HDHD2: variants seen among roughly 807,000 people sequenced by gnomAD.
HDHD2 encodes haloacid dehalogenase like hydrolase domain containing 2.
Under a neutral mutation model 24.8 loss-of-function variants are expected in HDHD2, and 26 were observed. The observed-to-expected ratio is 1.05, with a 90% CI of 0.77 to 1.45. The LOEUF is 1.45. Ranked by LOEUF, HDHD2 falls within the 40% of genes most tolerant of loss-of-function variation. The pLI is 0.00. For synonymous variants in HDHD2, 128 were observed against 114.9 expected (o/e 1.11, Z -0.73); for missense variants, 299 against 313.4 (o/e 0.95, Z 0.35).
Position 47,134,835 on chromosome 18 carries a change from T to C in HDHD2, c.102-131A>G, listed in dbSNP as rs2063748676. 4 of 677,714 alleles carry C rather than the reference T, an allele frequency of 5.9e-6. 1 individual carries two copies. In the South Asian group the frequency reaches 7.5e-5, roughly 13 times the overall value. 42.0% of individuals were successfully genotyped at this position (677,714 alleles called of 1,614,324 possible). On this transcript the variant is annotated intron_variant, in intron 2 of 6. Coordinates refer to ENST00000300605, the MANE Select transcript of HDHD2 (RefSeq NM_032124.5). ...ATGACAATGTGTAGCCTCTTGCCCC[T>C]CCAGAATGGCAGGTTTACAGTTTAC...
rs1286940343 is a variant in HDHD2 at position 47,139,502 on chromosome 18, G to A, written c.-10-3053C>T. Among the ~76,000 whole-genome samples the A allele has an allele frequency of 6.3e-5, 9 of 143,822 alleles. No homozygotes were observed. The East Asian group carries it at 1.7e-3, about 27-fold the overall frequency. 94.4% of individuals were successfully genotyped at this position (143,822 alleles called of 152,430 possible). ...AAAAAAAAAAAAAAAATCCTTTGTA[G>A]TACATTGATAAATGTAAGTAAGTGT... On this transcript the variant is annotated intron_variant, in intron 1 of 6. Transcript: ENST00000300605.
chr18:47,108,908 C>T (rs890637276), intron 6 of HDHD2, 123 bp from the exon 7 acceptor site: 2 of 614,732 alleles, frequency 3.3e-6, no homozygotes, highest in Admixed American at 6.4e-5. Flanking sequence ...AGGGGCTGCA[C>T]ATCTCCCAAA....
chr18:47,133,947 G>A (rs1233202639), intron 3 of HDHD2, among the ~76,000 whole-genome samples: 1 of 152,186 alleles, frequency 6.6e-6, no homozygotes, highest in Non-Finnish European at 1.5e-5. Flanking sequence ...TCTGATGGTA[G>A]TTTCTTTTGC....
intron 4 of HDHD2, among the ~76,000 whole-genome samples, chr18:47,121,322 C>T (rs1197469252): frequency 6.6e-6 from 1 of 152,132 alleles, no homozygotes; most frequent in Non-Finnish European, 1.5e-5. Flanking sequence ...AAAAGTGTTT[C>T]TTTCCCAATC....
intron 5 of HDHD2, 39 bp from the exon 6 acceptor site, chr18:47,113,079 C>T: frequency 1.9e-6 from 3 of 1,565,362 alleles, no homozygotes; most frequent in Non-Finnish European, 2.6e-6. Flanking sequence ...CCAGTGTCTT[C>T]AGTAAGCTAG....
At position 47,128,470 on chromosome 18, in the gene HDHD2, T is replaced by C. The variant is rs73954238; in HGVS notation, c.395+1774A>G. ...TTGTAGAACTTACTTAAGGAGCAGA[T>C]GGCATAGTCTCTCCCTCCTCAACCA... On this transcript the variant is annotated intron_variant, in intron 4 of 6. Transcript: ENST00000300605. Among the ~76,000 whole-genome samples the C allele has an allele frequency of 2.1e-3, 326 of 152,334 alleles. 2 individuals are homozygous for C. The highest frequency in any genetic ancestry group is 7.5e-3 in the African/African-American group (311 of 41,574).
intron 5 of HDHD2, among the ~76,000 whole-genome samples, chr18:47,114,906 TCTC>T (rs1408435291): frequency 1.3e-5 from 2 of 151,664 alleles, no homozygotes; most frequent in African/African-American, 4.8e-5. Flanking sequence ...AACACACAAA[TCTC>T]CTATTACGCT....
chr18:47,127,566 G>A (rs1156958436), intron 4 of HDHD2, among the ~76,000 whole-genome samples: 1 of 151,986 alleles, frequency 6.6e-6, no homozygotes, highest in African/African-American at 2.4e-5. Context: ...TGACTTGTTT[G>A]TCTTCCTCCT....
At chr18:47,143,899 G>A (rs1160092117) in intron 1 of HDHD2, among the ~76,000 whole-genome samples, 4 of 152,084 alleles carry the variant, frequency 2.6e-5, no homozygotes, top group Admixed American at 1.3e-4. Context: ...GAAGCTTATC[G>A]TTTCCTACCC....
chr18:47,134,811 T>C lies in HDHD2; in HGVS notation c.102-107A>G, dbSNP rs933216910. On this transcript the variant is annotated intron_variant, in intron 2 of 6. Transcript: ENST00000300605. ...CCAAATGTTTTTATGGCCAGCAACA[T>C]GACAATGTGTAGCCTCTTGCCCCTC... is the stretch of plus-strand genomic sequence containing the variant. 9.6e-5 allele frequency: 79 copies of C among 825,018 alleles called. 5 individuals carry two copies. The highest frequency in any genetic ancestry group is 6.9e-4 in the South Asian group (41 of 59,738). The allele number at this position is 825,018 out of a possible 1,614,324, so 51.1% of individuals were successfully genotyped here.
intron 1 of HDHD2, among the ~76,000 whole-genome samples, chr18:47,138,583 A>G (rs901272782): frequency 1.3e-5 from 2 of 152,238 alleles, no homozygotes; most frequent in African/African-American, 2.4e-5. Flanking sequence ...AAAGTTTGAG[A>G]AAAATAAGTT....
At chr18:47,135,920 T>C (rs545216214) in intron 2 of HDHD2, among the ~76,000 whole-genome samples, 2 of 152,370 alleles carry the variant, frequency 1.3e-5, no homozygotes, top group Admixed American at 6.5e-5. Flanking sequence ...CTAAACTTTA[T>C]TTGAGCAGTT....
intron 6 of HDHD2, among the ~76,000 whole-genome samples, chr18:47,112,318 G>A (rs945865389): frequency 1.1e-4 from 17 of 151,944 alleles, no homozygotes; most frequent in Non-Finnish European, 1.9e-4. Context: ...GCCTTGACCC[G>A]AGTCTCACAC....
chr18:47,124,454 C>T (rs2063637208), intron 4 of HDHD2, among the ~76,000 whole-genome samples: 1 of 152,138 alleles, frequency 6.6e-6, no homozygotes, highest in Non-Finnish European at 1.5e-5. Context: ...CGCCTGTAAT[C>T]CCAGCACTTT....
chr18:47,147,976 TTTG>T (rs1440974868), intron 1 of HDHD2, among the ~76,000 whole-genome samples: 1 of 145,986 alleles, frequency 6.8e-6, no homozygotes, highest in Non-Finnish European at 1.5e-5. Context: ...TGTCCAAAAC[TTTG>T]TTTTTTCTTT....
chr18:47,109,882 G>A (rs1344847924), intron 6 of HDHD2: 1 of 641,960 alleles, frequency 1.6e-6, no homozygotes, highest in African/African-American at 2.0e-5. Context: ...TCTGTTACAT[G>A]TCCCAATGTA....
intron 4 of HDHD2, among the ~76,000 whole-genome samples, chr18:47,124,706 C>CAAAAAAAAAA (rs34350751): frequency 6.9e-5 from 3 of 43,370 alleles, no homozygotes; most frequent in Non-Finnish European, 3.9e-5. Context: ...AACTCTGACT[C>CAAAAAAAAAA]AAAAAAAAAA....
intron 4 of HDHD2, among the ~76,000 whole-genome samples, chr18:47,121,060 G>T (rs544008167): frequency 1.3e-5 from 2 of 151,686 alleles, no homozygotes; most frequent in African/African-American, 4.8e-5. Flanking sequence ...TGGAAATATG[G>T]TGCCGATGAC....
intron 4 of HDHD2, among the ~76,000 whole-genome samples, chr18:47,129,000 G>T (rs866196971): frequency 2.1e-5 from 3 of 146,088 alleles, no homozygotes; most frequent in East Asian, 2.0e-4. Flanking sequence ...ATTCTGGTTT[G>T]TTTTTTTTTT....
Sources: allele counts gnomAD v4.1 joint callset (sites outside exome capture counted in the v4.1 genomes callset), GRCh38; gene constraint gnomAD v4.1.1; transcripts MANE v1.5; gene names NCBI Gene and HGNC (gene_info 2026-07-23, HGNC 2026-07-21).